UBR1: variants seen among roughly 807,000 people sequenced by gnomAD.
UBR1 encodes the protein E3 ubiquitin-protein ligase UBR1.
Under a neutral mutation model 242.1 loss-of-function variants are expected in UBR1, and 102 were observed. The ratio of observed to expected loss-of-function variants is 0.42; its 90% CI spans 0.36 to 0.50. UBR1 has a LOEUF of 0.50. UBR1 is among the 20% of genes least tolerant of loss of function. The probability of loss-of-function intolerance (pLI) is 0.01; values close to 1 mark genes in which losing one functional copy is unlikely to be tolerated. For missense variants in UBR1, 1,772 were observed against 2,101.8 expected, an observed-to-expected ratio of 0.84 and a Z score of 3.07; for synonymous variants, 675 against 684.8, an observed-to-expected ratio of 0.99 and a Z score of 0.22.
chr15:43,040,656 C>A (rs2033405225), intron 15 of UBR1, among the ~76,000 whole-genome samples: 1 of 152,114 alleles, frequency 6.6e-6, no homozygotes, highest in African/African-American at 2.4e-5. Flanking sequence ...AGTGAACAGG[C>A]AACCTACAGA....
chr15:43,019,875 A>T (rs940859062), intron 27 of UBR1, among the ~76,000 whole-genome samples: 1 of 151,288 alleles, frequency 6.6e-6, no homozygotes, highest in African/African-American at 2.4e-5. Flanking sequence ...AAGTGCTGGG[A>T]TTACAGGCGT....
intron 30 of UBR1, among the ~76,000 whole-genome samples, chr15:43,004,386 T>C (rs555287489): frequency 6.6e-6 from 1 of 151,718 alleles, no homozygotes; most frequent in East Asian, 1.9e-4. Flanking sequence ...CCTCTCCCTC[T>C]CCCTGTCCCC....
At chr15:42,985,017 T>C in intron 35 of UBR1, 75 bp from the exon 36 acceptor site, 2 of 1,118,576 alleles carry the variant, frequency 1.8e-6, no homozygotes, top group Non-Finnish European at 2.6e-6. Flanking sequence ...TTTTATCAAA[T>C]GTTCTTTAAT....
Position 43,010,818 on chromosome 15 carries a change from C to CAA in UBR1, c.3210-3536_3210-3535dup, listed in dbSNP as rs768275252. 7.3e-3 allele frequency among the ~76,000 whole-genome samples: 415 copies of CAA among 56,898 alleles called. 4 individuals are homozygous for CAA. Among genetic ancestry groups the CAA allele is most frequent in the Middle Eastern group, 0.013 (1 of 78 alleles). 37.3% of individuals were successfully genotyped at this position (56,898 alleles called of 152,430 possible). On this transcript the variant is annotated intron_variant, in intron 29 of 46. Transcript: ENST00000290650. ...TGAAACCCCATCTCTACTAAAAATA[C>CAA]AAAAAAAAAAAAAAAAAAAAAAATA...
At chr15:42,972,505 AT>A (rs1263306034) in intron 39 of UBR1, among the ~76,000 whole-genome samples, 1 of 151,878 alleles carries the variant, frequency 6.6e-6, no homozygotes, top group Non-Finnish European at 1.5e-5. Flanking sequence ...AGTAGCTGGG[AT>A]TACAGGTGTG....
chr15:43,084,689 G>A (rs573110171), intron 2 of UBR1, among the ~76,000 whole-genome samples: 16 of 152,200 alleles, frequency 1.1e-4, no homozygotes, highest in African/African-American at 3.6e-4. Context: ...TCCTGACCTC[G>A]TGATCCACCT....
At chr15:43,047,379 A>C in intron 13 of UBR1, 90 bp from the exon 14 acceptor site, 3 of 1,577,574 alleles carry the variant, frequency 1.9e-6, no homozygotes, top group Non-Finnish European at 1.7e-6. Flanking sequence ...AGGATTCATA[A>C]CATTTTAACA....
In UBR1 at chr15:42,983,978, C is replaced by G. The variant is rs757935824; in HGVS notation, c.4069G>C (p.Ala1357Pro). The part of the protein sequence containing the change: ...LQNRQHNGLK[A>P]LMQFAVAQRI... The stretch of plus-strand genomic sequence containing the variant: ...TGTGCAACTGCAAACTGCATTAATG[C>G]TTTCAGACCATTATGCTAGATTGTA... Residue 1357 changes from alanine to proline, a missense_variant, in exon 37 of 47, where the codon GCA (alanine) becomes CCA (proline). By Grantham distance (27) the Ala-to-Pro change is conservative. Transcript: ENST00000290650. 1.2e-6 allele frequency: 2 copies of G among 1,612,454 alleles called. No homozygotes were observed. The highest frequency in any genetic ancestry group is 1.7e-6 in the Non-Finnish European group (2 of 1,178,984).
chr15:43,037,977 A>T lies in UBR1; in HGVS notation c.1912-94T>A, dbSNP rs7166596. ...ACATATTCTTCAGTTTTCTCACGTG[A>T]AAAATGGAAGAGCTTGAACTAGATG... is the stretch of plus-strand genomic sequence containing the variant. On this transcript the variant is annotated intron_variant, in intron 16 of 46. Coordinates refer to ENST00000290650, the MANE Select transcript of UBR1 (RefSeq NM_174916.3). 1,280,214 of 1,283,850 alleles carry T rather than the reference A, an allele frequency of 1. 638,369 individuals carry two copies. Among genetic ancestry groups the T allele is most frequent in the East Asian group, 1 (40,222 of 40,222 alleles). 79.5% of individuals were successfully genotyped at this position (1,283,850 alleles called of 1,614,324 possible). A position where few individuals can be genotyped will look rare whatever the true frequency, so the allele number is the denominator to read the frequency against.
chr15:43,022,573 TTACC>T, intron 26 of UBR1, 125 bp downstream of exon 26: 1 of 562,770 alleles, frequency 1.8e-6, no homozygotes, highest in East Asian at 3.2e-5. Flanking sequence ...TATTTCAGGG[TTACC>T]TATGTTTTAA....
intron 34 of UBR1, among the ~76,000 whole-genome samples, chr15:42,989,685 A>G (rs1177812789): frequency 1.3e-5 from 2 of 152,220 alleles, no homozygotes; most frequent in Admixed American, 6.5e-5. Context: ...TCAGAAAGTC[A>G]CAAAGCAAGT....
intron 3 of UBR1, among the ~76,000 whole-genome samples, chr15:43,082,320 A>G (rs2141357478): frequency 6.6e-6 from 1 of 152,270 alleles, no homozygotes; most frequent in East Asian, 1.9e-4. Context: ...GAAGGGTCAT[A>G]TTACACACTG....
chr15:42,999,164 C>T (rs889384695), intron 32 of UBR1, among the ~76,000 whole-genome samples: 5 of 152,138 alleles, frequency 3.3e-5, no homozygotes, highest in Non-Finnish European at 7.4e-5. Flanking sequence ...TGGTCTCGAT[C>T]TCTTGACCTC....
chr15:42,959,082 T>C (rs1256040742), intron 43 of UBR1, among the ~76,000 whole-genome samples: 3 of 152,198 alleles, frequency 2.0e-5, no homozygotes, highest in African/African-American at 7.2e-5. Context: ...CCGCCCACCT[T>C]GGCCTCCCAA....
Position 43,086,079 on chromosome 15 carries a change from T to G in UBR1, c.243A>C (p.Glu81Asp). ...FTPLEWYLFGEDPDICLEKLK... is the reference protein window; with the variant it reads ...FTPLEWYLFGDDPDICLEKLK... ...ATTTCTCTAAGCAAATATCTGGATC[T>G]TCTCCAAATAAGTACCATTCCAGTG... Residue 81 changes from glutamate (E) to aspartate (D), a missense_variant, in exon 2 of 47, where the codon GAA becomes GAC. Coordinates refer to ENST00000290650, the MANE Select transcript of UBR1 (RefSeq NM_174916.3). 6.2e-7 allele frequency: 1 copy of G among 1,614,126 alleles called. No individual in the cohort carries two copies. The highest frequency in any genetic ancestry group is 1.1e-5 in the South Asian group (1 of 91,080).
chr15:43,016,157 A>T (rs1370945430), intron 28 of UBR1, among the ~76,000 whole-genome samples: 1 of 152,238 alleles, frequency 6.6e-6, no homozygotes, highest in East Asian at 1.9e-4. Flanking sequence ...AAATTAGATA[A>T]AACAATTTCA....
chr15:43,005,293 G>A lies in UBR1; in HGVS notation c.3416-1363C>T, dbSNP rs1430140526. Among the ~76,000 whole-genome samples the A allele has an allele frequency of 3.3e-5, 5 of 150,432 alleles. No homozygotes were observed. In the East Asian group the frequency reaches 1.0e-3, roughly 30 times the overall value. On this transcript the variant is annotated intron_variant, in intron 30 of 46. Coordinates refer to ENST00000290650, the MANE Select transcript of UBR1 (RefSeq NM_174916.3). ...CTGCCCCTTCCGGGAGGGAGGTGGG[G>A]GGCAGCCCCCGCCCGGCAGCCGCCC... is the stretch of plus-strand genomic sequence containing the variant.
At chr15:42,970,355 A>G (rs1461871558) in intron 40 of UBR1, among the ~76,000 whole-genome samples, 165 bp downstream of exon 40, 1 of 152,246 alleles carries the variant, frequency 6.6e-6, no homozygotes, top group Non-Finnish European at 1.5e-5. Context: ...AAGATGGATT[A>G]AAGATTTAAA....
intron 11 of UBR1, 140 bp from the exon 12 acceptor site, chr15:43,055,039 C>A: frequency 9.7e-7 from 1 of 1,029,614 alleles, no homozygotes. Context: ...CTTAGTTTCA[C>A]TGAATAGCAA....
Sources: allele counts gnomAD v4.1 joint callset (sites outside exome capture counted in the v4.1 genomes callset), GRCh38; gene constraint gnomAD v4.1.1; transcripts MANE v1.5; gene names NCBI Gene and HGNC (gene_info 2026-07-23, HGNC 2026-07-21).